The following SLCO1B1 variants were observed in gnomAD, a reference collection of about 807,000 sequenced individuals.
The protein encoded by SLCO1B1 is OATP-2.
A neutral mutation model predicts 70.1 loss-of-function variants in SLCO1B1; 81 were observed. The observed-to-expected ratio is 1.16, with a 90% CI of 0.97 to 1.39. The LOEUF (loss-of-function observed/expected upper bound fraction) is 1.39, where lower values mean the gene tolerates loss of function less well. Among genes scored for constraint, SLCO1B1 ranks in the 40% most tolerant of loss-of-function variants. SLCO1B1 has a pLI of 0.00. For missense variants in SLCO1B1, 895 were observed against 799.6 expected (o/e 1.12, Z -1.44); for synonymous variants, 283 against 271.5 (o/e 1.04, Z -0.42).
intron 3 of SLCO1B1, among the ~76,000 whole-genome samples, chr12:21,174,146 G>T (rs1940790728): frequency 6.6e-6 from 1 of 152,086 alleles, no homozygotes; most frequent in South Asian, 2.1e-4. Flanking sequence ...ACTTCTTGAA[G>T]ACAGATGCCA....
intron 7 of SLCO1B1, among the ~76,000 whole-genome samples, chr12:21,187,084 A>G (rs139622295): frequency 6.6e-6 from 1 of 152,260 alleles, no homozygotes; most frequent in Non-Finnish European, 1.5e-5. Context: ...AATGCAGATG[A>G]AAGTGTCCTA....
intron 11 of SLCO1B1, among the ~76,000 whole-genome samples, chr12:21,207,879 A>AT (rs1294636108): frequency 6.6e-6 from 1 of 151,436 alleles, no homozygotes; most frequent in East Asian, 1.9e-4. Flanking sequence ...TTTGATTTGC[A>AT]TTTTTTTGAT....
chr12:21,220,354 G>C (rs1179406890), intron 12 of SLCO1B1, among the ~76,000 whole-genome samples: 1 of 152,128 alleles, frequency 6.6e-6, no homozygotes, highest in African/African-American at 2.4e-5. Context: ...AGTCAGCAAC[G>C]TACAGATGGT....
intron 11 of SLCO1B1, among the ~76,000 whole-genome samples, chr12:21,214,166 TTC>T (rs1941325323): frequency 6.6e-6 from 1 of 152,208 alleles, no homozygotes; most frequent in South Asian, 2.1e-4. Context: ...AGTTTTTCTG[TTC>T]TGTTTTTTCC....
At chr12:21,215,549 C>T (rs1048926702) in intron 11 of SLCO1B1, among the ~76,000 whole-genome samples, 5 of 152,100 alleles carry the variant, frequency 3.3e-5, no homozygotes, top group Non-Finnish European at 7.4e-5. Flanking sequence ...GATGAATTCA[C>T]TTTTTGATGT....
chr12:21,219,085 G>T (rs1020426013), intron 12 of SLCO1B1, among the ~76,000 whole-genome samples: 2 of 152,148 alleles, frequency 1.3e-5, no homozygotes, highest in African/African-American at 4.8e-5. Context: ...CTTTTAGTAT[G>T]GGTGGGGAAT....
In SLCO1B1 at chr12:21,217,160, G is replaced by C. The variant is rs1306912296; in HGVS notation, c.1539G>C (p.Gln513His). ...GTTGTTTGGAAGTAACTGGTCTCCA[G>C]AACAGAAATTACTCAGCCCATTTGG... ...NCSCLEVTGL[Q>H]NRNYSAHLGE... The change falls in exon 12 of 15, where the codon CAG (glutamine) becomes CAC (histidine). Residue 513 changes from glutamine to histidine, a missense_variant. Gln to His is a conservative substitution (Grantham distance 24). Coordinates refer to ENST00000256958, the MANE Select transcript of SLCO1B1 (RefSeq NM_006446.5). 9 of 1,613,676 alleles carry C rather than the reference G, an allele frequency of 5.6e-6. No individual in the cohort carries two copies. Among genetic ancestry groups the C allele is most frequent in the Non-Finnish European group, 7.6e-6 (9 of 1,179,720 alleles).
chr12:21,237,433 C>T (rs1941606748), intron 14 of SLCO1B1, among the ~76,000 whole-genome samples: 1 of 152,180 alleles, frequency 6.6e-6, no homozygotes, highest in East Asian at 1.9e-4. Context: ...TTCTTGCTTG[C>T]ATGGTTTCTG....
rs1310989732 is a variant in SLCO1B1 at position 21,205,968 on chromosome 12, G to A, written c.1432G>A (p.Gly478Arg). Residue 478 changes from glycine to arginine, a missense_variant, in exon 11 of 15, where the codon GGA becomes AGA. Gly to Arg is a moderately radical substitution (Grantham distance 125). Transcript: ENST00000256958. ...ATGGGAACCAGTCTGTGGAAACAAT[G>A]GAATAACTTACATCTCACCCTGTCT... ...SQWEPVCGNN[G>R]ITYISPCLAG... 1.2e-6 allele frequency: 2 copies of A among 1,612,108 alleles called. 1 individual carries two copies.
intron 1 of SLCO1B1, among the ~76,000 whole-genome samples, chr12:21,132,898 G>A (rs966375049): frequency 1.3e-5 from 2 of 152,034 alleles, no homozygotes; most frequent in Non-Finnish European, 2.9e-5. Context: ...TAGACATGAA[G>A]TCCTTGCCCA....
intron 11 of SLCO1B1, among the ~76,000 whole-genome samples, chr12:21,215,069 C>T (rs181829838): frequency 1.3e-5 from 2 of 152,306 alleles, no homozygotes; most frequent in East Asian, 1.9e-4. Flanking sequence ...TGTTCCTATT[C>T]GGCCATCTTG....
At chr12:21,134,407 G>C (rs1230179152) in intron 1 of SLCO1B1, among the ~76,000 whole-genome samples, 1 of 152,144 alleles carries the variant, frequency 6.6e-6, no homozygotes, top group Non-Finnish European at 1.5e-5. Flanking sequence ...CAGAAGTATT[G>C]GTACCAGTTC....
At chr12:21,237,115 T>C (rs1165462878) in intron 14 of SLCO1B1, among the ~76,000 whole-genome samples, 1 of 152,176 alleles carries the variant, frequency 6.6e-6, no homozygotes, top group African/African-American at 2.4e-5. Context: ...TGTCTTCTAT[T>C]CTTTTTTCTT....
At chr12:21,235,895 T>C (rs73067080) in intron 14 of SLCO1B1, among the ~76,000 whole-genome samples, 28,026 of 152,026 alleles carry the variant, frequency 0.18, 2,975 homozygotes, top group East Asian at 0.44. Context: ...TAGCTTGTAA[T>C]GTATCTGCTG....
chr12:21,135,735 T>C (rs964206554), intron 1 of SLCO1B1, among the ~76,000 whole-genome samples: 2 of 152,164 alleles, frequency 1.3e-5, no homozygotes, highest in East Asian at 1.9e-4. Context: ...TGTCTCTGCA[T>C]GTGAGATGGA....
chr12:21,221,776 T>C (rs2121188003), intron 12 of SLCO1B1, among the ~76,000 whole-genome samples: 1 of 152,210 alleles, frequency 6.6e-6, no homozygotes, highest in East Asian at 1.9e-4. Context: ...GGTAAGAATG[T>C]TGAGGAAAAG....
chr12:21,132,481 A>ATCCT (rs1453983031), intron 1 of SLCO1B1, among the ~76,000 whole-genome samples: 4 of 152,292 alleles, frequency 2.6e-5, no homozygotes, highest in African/African-American at 9.6e-5. Context: ...ATTTCTCCAC[A>ATCCT]TCCTCTCCAG....
rs1357961090 is a variant in SLCO1B1 at position 21,226,611 on chromosome 12, T to C, written c.1865+1772T>C. Among the ~76,000 whole-genome samples, 4 of 152,084 alleles carry C rather than the reference T, an allele frequency of 2.6e-5. No individual in the cohort carries two copies. The East Asian group carries it at 5.8e-4, about 22-fold the overall frequency. On this transcript the variant is annotated intron_variant, in intron 14 of 14. Coordinates refer to ENST00000256958, the MANE Select transcript of SLCO1B1 (RefSeq NM_006446.5). Reference sequence around the variant, plus strand: ...TTAAGGGTGGTGAAATGATTTTATATGATATTATCATGTTGGATACATGAT... The same window carrying C: ...TTAAGGGTGGTGAAATGATTTTATACGATATTATCATGTTGGATACATGAT...
rs181229593 is a variant in SLCO1B1 at position 21,138,104 on chromosome 12, G to A, written c.-61-3410G>A. On this transcript the variant is annotated intron_variant, in intron 1 of 14. Coordinates refer to ENST00000256958, the MANE Select transcript of SLCO1B1 (RefSeq NM_006446.5). ...TTATTGTGAAAGTGAGGTGGAGATGGGGGATTGTCTCTCCTATAAAAGGTC... is the reference window on the plus strand; with the variant it reads ...TTATTGTGAAAGTGAGGTGGAGATGAGGGATTGTCTCTCCTATAAAAGGTC... Among the ~76,000 whole-genome samples the A allele has an allele frequency of 1.6e-4, 24 of 152,332 alleles. No homozygotes were observed. In the East Asian group the frequency reaches 4.0e-3, roughly 26 times the overall value.
Sources: allele counts gnomAD v4.1 joint callset (sites outside exome capture counted in the v4.1 genomes callset), GRCh38; gene constraint gnomAD v4.1.1; transcripts MANE v1.5; gene names NCBI Gene and HGNC (gene_info 2026-07-23, HGNC 2026-07-21).